SLC20A2: variants seen among roughly 807,000 people sequenced by gnomAD.
The protein encoded by SLC20A2 is sodium-dependent phosphate transporter 2.
In SLC20A2, 30 loss-of-function variants were observed where a neutral mutation model predicts 61.0. That is an observed-to-expected ratio of 0.49 (90% CI 0.37 to 0.67). The LOEUF (loss-of-function observed/expected upper bound fraction) is 0.67, where lower values mean the gene tolerates loss of function less well. SLC20A2 is among the 30% of genes least tolerant of loss of function. SLC20A2 has a pLI of 0.00. For synonymous variants in SLC20A2, 351 were observed against 353.3 expected, an observed-to-expected ratio of 0.99 and a Z score of 0.07; for missense variants, 626 against 866.4, an observed-to-expected ratio of 0.72 and a Z score of 3.48.
intron 5 of SLC20A2, among the ~76,000 whole-genome samples, chr8:42,446,592 A>C (rs1181499911): frequency 6.6e-6 from 1 of 152,238 alleles, no homozygotes; most frequent in Non-Finnish European, 1.5e-5. Flanking sequence ...CCCAAGATCC[A>C]ATGAGTAATG....
intron 1 of SLC20A2, chr8:42,538,405 C>CTA (rs781026567): frequency 9.2e-5 from 14 of 151,958 alleles, no homozygotes; most frequent in Non-Finnish European, 1.9e-4. Context: ...CAATATAAAG[C>CTA]TATAAAAGAT....
At chr8:42,464,092 CTTTTTTTTTTTTTTTTTTTT>C (rs1170751054) in intron 3 of SLC20A2, among the ~76,000 whole-genome samples, 1 of 20,540 alleles carries the variant, frequency 4.9e-5, no homozygotes. Context: ...GCTGGATGAT[CTTTTTTTTTTTTTTTTTTTT>C]TTTTTTTTTT....
At chr8:42,491,474 C>T (rs1167115653) in intron 1 of SLC20A2, among the ~76,000 whole-genome samples, 3 of 151,012 alleles carry the variant, frequency 2.0e-5, no homozygotes, top group East Asian at 2.0e-4. Flanking sequence ...CACTGCACTG[C>T]AGCTTGGGCA....
chr8:42,460,111 C>T, intron 4 of SLC20A2, 119 bp from the exon 5 acceptor site: 4 of 625,108 alleles, frequency 6.4e-6, no homozygotes, highest in Non-Finnish European at 1.2e-5. Flanking sequence ...CCAGTGTGGC[C>T]AAAAGGATGG....
intron 6 of SLC20A2, among the ~76,000 whole-genome samples, chr8:42,444,166 TAA>T (rs1805027699): frequency 6.6e-6 from 1 of 152,228 alleles, no homozygotes; most frequent in Non-Finnish European, 1.5e-5. Context: ...GCTCACATGG[TAA>T]GTGTAAGGTG....
At chr8:42,510,266 T>C (rs1247251933) in intron 1 of SLC20A2, among the ~76,000 whole-genome samples, 1 of 152,202 alleles carries the variant, frequency 6.6e-6, no homozygotes, top group Non-Finnish European at 1.5e-5. Context: ...ATAAGTAACA[T>C]TTTCCTGCAA....
At chr8:42,486,731 TTCTC>T (rs1333298309) in intron 1 of SLC20A2, among the ~76,000 whole-genome samples, 1 of 152,228 alleles carries the variant, frequency 6.6e-6, no homozygotes, top group Non-Finnish European at 1.5e-5. Flanking sequence ...TTCCAAGAGT[TTCTC>T]TCTGTCTCTT....
At chr8:42,537,601 G>A (rs1812791017) in intron 1 of SLC20A2, 1 of 152,124 alleles carries the variant, frequency 6.6e-6, no homozygotes, top group East Asian at 1.9e-4. Context: ...ATTGTCCTAT[G>A]TCCTGGTGAA....
chr8:42,434,338 C>T (rs1274275712), intron 8 of SLC20A2, among the ~76,000 whole-genome samples: 2 of 152,024 alleles, frequency 1.3e-5, no homozygotes, highest in Admixed American at 6.6e-5. Flanking sequence ...CCACCTGCCT[C>T]GGCCTCCCGA....
chr8:42,446,052 C>T (rs530604876), intron 5 of SLC20A2, among the ~76,000 whole-genome samples: 19 of 152,178 alleles, frequency 1.2e-4, no homozygotes, highest in Non-Finnish European at 2.1e-4. Context: ...AACTCCTAGC[C>T]TCATGGGATG....
At chr8:42,477,533 C>T (rs900556618) in intron 1 of SLC20A2, among the ~76,000 whole-genome samples, 19 of 141,514 alleles carry the variant, frequency 1.3e-4, no homozygotes, top group Admixed American at 1.1e-3. Context: ...TGCAGTGGCG[C>T]GATCTTGGCT....
chr8:42,511,742 G>A (rs1025966112), intron 1 of SLC20A2, among the ~76,000 whole-genome samples: 3 of 151,918 alleles, frequency 2.0e-5, no homozygotes, highest in Non-Finnish European at 4.4e-5. Context: ...AACCCAGCAG[G>A]TGACTACTTC....
In SLC20A2 at chr8:42,454,544, C is replaced by T. The variant is rs138381910; in HGVS notation, c.613+5352G>A. ...CAGAACAGCCACCCAACTACAGAAC[C>T]TAACGCTAACTTCAGGACTGGGAAT... On this transcript the variant is annotated intron_variant, in intron 5 of 10. Coordinates refer to ENST00000520262, the MANE Select transcript of SLC20A2 (RefSeq NM_001257180.2). Among the ~76,000 whole-genome samples, 450 of 152,116 alleles carry T rather than the reference C, an allele frequency of 3.0e-3. 2 individuals carry two copies. The highest frequency in any genetic ancestry group is 8.5e-3 in the African/African-American group (351 of 41,496).
intron 7 of SLC20A2, among the ~76,000 whole-genome samples, chr8:42,438,052 AAAAAAAAAACC>A (rs1389205120): frequency 1.3e-4 from 17 of 127,898 alleles, no homozygotes; most frequent in East Asian, 4.0e-4. Flanking sequence ...GTTACCACTA[AAAAAAAAAACC>A]AAAAAAAAAA....
chr8:42,473,893 G>A (rs1002432671), intron 1 of SLC20A2, among the ~76,000 whole-genome samples: 4 of 152,090 alleles, frequency 2.6e-5, no homozygotes, highest in South Asian at 2.1e-4. Flanking sequence ...ATAAAAGGCC[G>A]GGTGTAGTGG....
intron 1 of SLC20A2, 147 bp downstream of exon 1, chr8:42,500,883 CT>C (rs759781190): frequency 2.0e-5 from 3 of 152,100 alleles, no homozygotes; most frequent in Non-Finnish European, 4.4e-5. Flanking sequence ...AAAGAAAAAC[CT>C]TTTGCCACCT....
In SLC20A2 at chr8:42,521,056, A is replaced by G. The variant is rs1189289796; in HGVS notation, c.-265+20765T>C. ...CTGCATTAGCATGTATATTCAAAAAAGCCTAATGTTCCATTTAAAAAAAAT... is the reference window on the plus strand; with the variant it reads ...CTGCATTAGCATGTATATTCAAAAAGGCCTAATGTTCCATTTAAAAAAAAT... On this transcript the variant is annotated intron_variant, in intron 1 of 10. Transcript: ENST00000342228. 3.3e-5 allele frequency among the ~76,000 whole-genome samples: 4 copies of G among 121,732 alleles called. 2 individuals carry two copies. The highest frequency in any genetic ancestry group is 7.9e-5 in the Non-Finnish European group (4 of 50,684). The allele number at this position is 121,732 out of a possible 152,430, so 79.9% of individuals were successfully genotyped here. A position where few individuals can be genotyped will look rare whatever the true frequency, so the allele number is the denominator to read the frequency against.
chr8:42,444,726 A>T lies in SLC20A2; in HGVS notation c.650T>A (p.Leu217His). 1.9e-6 allele frequency: 3 copies of T among 1,613,966 alleles called. No individual in the cohort carries two copies. Among genetic ancestry groups the T allele is most frequent in the Non-Finnish European group, 2.5e-6 (3 of 1,179,860 alleles). Reference sequence around the variant, plus strand: ...CAGGAGGGCGACACCAAAGGAAATGAGGGCTATGGCCCACATGGGGAGAAC... The same window carrying T: ...CAGGAGGGCGACACCAAAGGAAATGTGGGCTATGGCCCACATGGGGAGAAC... Reference protein sequence around the residue: ...GLVLPMWAIALISFGVALLFA... With the variant: ...GLVLPMWAIAHISFGVALLFA... The change falls in exon 6 of 11, where the codon CTC becomes CAC. Residue 217 changes from leucine (L) to histidine (H), a missense_variant. Transcript: ENST00000520262.
At chr8:42,480,333 T>C (rs1239908072) in intron 1 of SLC20A2, 1 of 152,238 alleles carries the variant, frequency 6.6e-6, no homozygotes, top group Non-Finnish European at 1.5e-5. Context: ...TTTTCTACAA[T>C]GTGCAATGAC....
Sources: allele counts gnomAD v4.1 joint callset (sites outside exome capture counted in the v4.1 genomes callset), GRCh38; gene constraint gnomAD v4.1.1; transcripts MANE v1.5; gene names NCBI Gene and HGNC (gene_info 2026-07-23, HGNC 2026-07-21).